The following SEMA6D variants were observed in gnomAD, a reference collection of about 807,000 sequenced individuals.
The protein encoded by SEMA6D is semaphorin 6D.
In SEMA6D, 35 loss-of-function variants were observed where a neutral mutation model predicts 106.6. The observed-to-expected ratio is 0.33, with a 90% CI of 0.25 to 0.44. SEMA6D has a LOEUF of 0.44. Ranked by LOEUF, SEMA6D falls within the 20% of genes least tolerant of loss-of-function variation. The pLI is 1.00. For missense variants in SEMA6D, 1,185 were observed against 1,345.9 expected, an observed-to-expected ratio of 0.88 and a Z score of 1.87; for synonymous variants, 499 against 487.7, an observed-to-expected ratio of 1.02 and a Z score of -0.31.
intron 1 of SEMA6D, among the ~76,000 whole-genome samples, chr15:47,265,824 A>G (rs983688594): frequency 2.6e-5 from 4 of 152,016 alleles, no homozygotes; most frequent in African/African-American, 2.4e-5. Flanking sequence ...TTTTAGTGAC[A>G]TCTGTATCCC....
At chr15:47,377,040 G>A (rs1051644497) in intron 1 of SEMA6D, among the ~76,000 whole-genome samples, 1 of 152,190 alleles carries the variant, frequency 6.6e-6, no homozygotes, top group African/African-American at 2.4e-5. Context: ...TAAAGAAGCT[G>A]TATACGATGA....
intron 1 of SEMA6D, among the ~76,000 whole-genome samples, chr15:47,246,134 C>T (rs893804088): frequency 2.0e-5 from 3 of 152,100 alleles, no homozygotes; most frequent in Non-Finnish European, 4.4e-5. Flanking sequence ...AACAAATTTA[C>T]CCCAGACTTA....
At chr15:47,389,004 T>C (rs542871630) in intron 1 of SEMA6D, among the ~76,000 whole-genome samples, 2 of 149,544 alleles carry the variant, frequency 1.3e-5, no homozygotes, top group African/African-American at 4.9e-5. Flanking sequence ...GATTATTTGG[T>C]GCAAAAGTAA....
intron 1 of SEMA6D, among the ~76,000 whole-genome samples, chr15:47,747,027 GCATTATACTTTCA>G (rs1436520539): frequency 7.8e-6 from 1 of 128,998 alleles, no homozygotes; most frequent in Non-Finnish European, 1.8e-5. Context: ...GGTTCCTTGT[GCATTATACTTTCA>G]CAAAGCAAGT....
At chr15:47,735,913 CAA>C (rs2080420015) in intron 1 of SEMA6D, among the ~76,000 whole-genome samples, 2 of 152,156 alleles carry the variant, frequency 1.3e-5, no homozygotes, top group South Asian at 4.1e-4. Flanking sequence ...TGACACTAAT[CAA>C]GAGGTGTTAA....
chr15:47,434,755 T>C (rs1433970890), intron 2 of SEMA6D, among the ~76,000 whole-genome samples: 1 of 152,154 alleles, frequency 6.6e-6, no homozygotes, highest in African/African-American at 2.4e-5. Flanking sequence ...TTCTGAATCA[T>C]ATGTGAGGAC....
chr15:47,537,652 T>A (rs529791520), intron 3 of SEMA6D, among the ~76,000 whole-genome samples: 2 of 152,270 alleles, frequency 1.3e-5, no homozygotes, highest in African/African-American at 4.8e-5. Context: ...GGCAAGGATG[T>A]TGGCAGTTGG....
In SEMA6D at chr15:47,762,283, C is replaced by G; in HGVS notation, c.622C>G (p.Leu208Val). Residue 208 changes from leucine (L) to valine (V), a missense_variant, in exon 8 of 19, where the codon CTT becomes GTT. Physicochemically the swap from Leu to Val is conservative, Grantham distance 32. This residue lies in a region of SEMA6D where 291 missense variants were observed against 423.8 expected (regional missense o/e 0.69). Coordinates refer to ENST00000536845, the MANE Select transcript of SEMA6D (RefSeq NM_001358351.3). ...IYRSMGDGSALRTIKYDSKWI... is the reference protein window; with the variant it reads ...IYRSMGDGSAVRTIKYDSKWI... ...TCGAAGCATGGGTGATGGATCTGCCCTTCGCACAATAAAATATGATTCCAA... is the reference window on the plus strand; with the variant it reads ...TCGAAGCATGGGTGATGGATCTGCCGTTCGCACAATAAAATATGATTCCAA... 6.2e-7 allele frequency: 1 copy of G among 1,613,570 alleles called. No homozygotes were observed. Among genetic ancestry groups the G allele is most frequent in the Non-Finnish European group, 8.5e-7 (1 of 1,179,618 alleles).
chr15:47,388,662 G>A (rs1255913572), intron 1 of SEMA6D, among the ~76,000 whole-genome samples: 1 of 152,136 alleles, frequency 6.6e-6, no homozygotes, highest in Non-Finnish European at 1.5e-5. Flanking sequence ...ATAAGGGGGA[G>A]ACTCCTGTAC....
chr15:47,471,931 TCACACACA>T (rs1168586101), intron 3 of SEMA6D, among the ~76,000 whole-genome samples: 1,350 of 121,478 alleles, frequency 0.011, 12 homozygotes, highest in Admixed American at 0.016. Flanking sequence ...TCTCTCTCTC[TCACACACA>T]CACACACACA....
At chr15:47,216,431 A>G (rs74013748) in intron 1 of SEMA6D, among the ~76,000 whole-genome samples, 184 of 152,318 alleles carry the variant, frequency 1.2e-3, no homozygotes, top group African/African-American at 4.3e-3. Context: ...ATATAACATT[A>G]TACATGTTAC....
chr15:47,659,548 T>C, intron 4 of SEMA6D, among the ~76,000 whole-genome samples: 1 of 151,968 alleles, frequency 6.6e-6, no homozygotes. Context: ...ATTTACAAAC[T>C]TGGAGTGGAG....
chr15:47,410,025 C>T (rs1317038627), intron 1 of SEMA6D, among the ~76,000 whole-genome samples: 1 of 152,042 alleles, frequency 6.6e-6, no homozygotes, highest in African/African-American at 2.4e-5. Flanking sequence ...CTGACTCTGT[C>T]GTCCAGGCTA....
intron 4 of SEMA6D, among the ~76,000 whole-genome samples, chr15:47,703,329 A>G (rs1222838324): frequency 6.6e-6 from 1 of 152,234 alleles, no homozygotes; most frequent in Non-Finnish European, 1.5e-5. Context: ...TGTAAAATCA[A>G]TAAAAACATT....
At chr15:47,222,099 C>T (rs2031257169) in intron 1 of SEMA6D, among the ~76,000 whole-genome samples, 1 of 152,134 alleles carries the variant, frequency 6.6e-6, no homozygotes, top group Non-Finnish European at 1.5e-5. Context: ...GATTATAATT[C>T]TGCAAGGCCA....
At chr15:47,622,089 A>G (rs2077112349) in intron 4 of SEMA6D, among the ~76,000 whole-genome samples, 2 of 151,560 alleles carry the variant, frequency 1.3e-5, no homozygotes, top group Admixed American at 1.3e-4. Context: ...AGGACTCATC[A>G]GGGTAGATTG....
rs369941348 is a variant in SEMA6D, at chr15:47,687,066, CA to C, written c.-54-72662del. On this transcript the variant is annotated intron_variant, in intron 4 of 19. Coordinates refer to the SEMA6D transcript ENST00000558014. ...AGGTGACACAGCAAGACCCTGTATC[CA>C]AAAAAAAAAAAAAAAAGAAGTACTA... Among the ~76,000 whole-genome samples, 425 of 120,968 alleles carry C rather than the reference CA, an allele frequency of 3.5e-3. 1 individual carries two copies. Among genetic ancestry groups the C allele is most frequent in the African/African-American group, 7.8e-3 (236 of 30,372 alleles). 79.4% of individuals were successfully genotyped at this position (120,968 alleles called of 152,430 possible).
intron 1 of SEMA6D, among the ~76,000 whole-genome samples, chr15:47,367,059 G>A (rs1416319008): frequency 6.6e-6 from 1 of 152,206 alleles, no homozygotes; most frequent in Non-Finnish European, 1.5e-5. Context: ...GTTTACATCT[G>A]TTTCATCAGC....
At chr15:47,443,455 T>A (rs979887533) in intron 2 of SEMA6D, among the ~76,000 whole-genome samples, 1 of 151,892 alleles carries the variant, frequency 6.6e-6, no homozygotes, top group Admixed American at 6.6e-5. Context: ...CATATAGAGG[T>A]CCCAAGACTA....
Sources: allele counts gnomAD v4.1 joint callset (sites outside exome capture counted in the v4.1 genomes callset), GRCh38; gene constraint gnomAD v4.1.1; regional missense constraint gnomAD v4.1.1; transcripts MANE v1.5; gene names NCBI Gene and HGNC (gene_info 2026-07-23, HGNC 2026-07-21).